The following TMEM74 variants were observed in gnomAD, a reference collection of about 807,000 sequenced individuals.
The protein encoded by TMEM74 is transmembrane protein 74.
In TMEM74, 13 loss-of-function variants were observed where a neutral mutation model predicts 18.1. The ratio of observed to expected loss-of-function variants is 0.72; its 90% CI spans 0.47 to 1.14. The LOEUF is 1.14. Among genes scored for constraint, TMEM74 ranks in the 50% most tolerant of loss-of-function variants. The pLI, the probability that TMEM74 is intolerant of heterozygous loss-of-function variation, is 0.00. For missense variants in TMEM74, 372 were observed against 375.9 expected, an observed-to-expected ratio of 0.99 and a Z score of 0.09; for synonymous variants, 159 against 146.6, an observed-to-expected ratio of 1.08 and a Z score of -0.61.
intron 1 of TMEM74, among the ~76,000 whole-genome samples, chr8:108,718,424 C>G (rs1474747571): frequency 1.3e-5 from 2 of 152,048 alleles, no homozygotes; most frequent in Non-Finnish European, 2.9e-5. Flanking sequence ...GTTTTATTAC[C>G]TACAGTGGTA....
intron 2 of TMEM74, among the ~76,000 whole-genome samples, chr8:108,647,892 G>T (rs1812735949): frequency 6.6e-6 from 1 of 152,080 alleles, no homozygotes; most frequent in South Asian, 2.1e-4. Context: ...GGGGTTTGGG[G>T]TTAGAAGAAT....
chr8:108,768,718 A>G (rs1345702958), intron 1 of TMEM74, among the ~76,000 whole-genome samples: 1 of 152,106 alleles, frequency 6.6e-6, no homozygotes, highest in African/African-American at 2.4e-5. Flanking sequence ...TTCTGCTACC[A>G]TCAGCTCCTA....
chr8:108,660,345 T>C (rs533165024), intron 1 of TMEM74, among the ~76,000 whole-genome samples: 30 of 152,342 alleles, frequency 2.0e-4, no homozygotes, highest in African/African-American at 7.0e-4. Flanking sequence ...ATTCCTTCCA[T>C]TGAATGGGCC....
intron 1 of TMEM74, among the ~76,000 whole-genome samples, chr8:108,662,061 T>A (rs969287964): frequency 6.6e-6 from 1 of 151,790 alleles, no homozygotes; most frequent in Non-Finnish European, 1.5e-5. Flanking sequence ...AGATGGAAAA[T>A]GAAAGCAGCT....
intron 1 of TMEM74, among the ~76,000 whole-genome samples, chr8:108,706,782 T>G (rs958303280): frequency 6.7e-6 from 1 of 149,842 alleles, no homozygotes; most frequent in Non-Finnish European, 1.5e-5. Flanking sequence ...AAGGGGTGTG[T>G]GTGTGTGTGT....
At chr8:108,656,689 ATC>A (rs1042248239) in intron 1 of TMEM74, among the ~76,000 whole-genome samples, 86 of 152,302 alleles carry the variant, frequency 5.6e-4, no homozygotes, top group African/African-American at 1.9e-3. Context: ...CTCTCTCACG[ATC>A]ATAAATTCAG....
chr8:108,686,157 T>C (rs1813165372), intron 1 of TMEM74, among the ~76,000 whole-genome samples: 1 of 152,130 alleles, frequency 6.6e-6, no homozygotes, highest in Admixed American at 6.5e-5. Flanking sequence ...TTAAGCAAGA[T>C]AAACAATGGG....
At position 108,779,863 on chromosome 8, in the gene TMEM74, G is replaced by A. The variant is rs538983147; in HGVS notation, c.*4318C>T. ...ATTAGTTTTATGTGTTTAAAATAAC[G>A]TCTTGCTTTTTACAGTGTCAATTCA... On this transcript the variant is annotated 3_prime_UTR_variant, in exon 2 of 2. Coordinates refer to ENST00000297459, the MANE Select transcript of TMEM74 (RefSeq NM_153015.3). 2.6e-4 allele frequency among the ~76,000 whole-genome samples: 39 copies of A among 152,202 alleles called. No homozygotes were observed. Among genetic ancestry groups the A allele is most frequent in the East Asian group, 7.7e-4 (4 of 5,178 alleles).
At chr8:108,758,689 T>C (rs1814005278) in intron 1 of TMEM74, among the ~76,000 whole-genome samples, 1 of 152,006 alleles carries the variant, frequency 6.6e-6, no homozygotes, top group Non-Finnish European at 1.5e-5. Flanking sequence ...CTTGGACCTA[T>C]CAGAGAAATT....
At chr8:108,624,862 T>A (rs1281302085) in intron 2 of TMEM74, among the ~76,000 whole-genome samples, 1 of 152,050 alleles carries the variant, frequency 6.6e-6, no homozygotes, top group Non-Finnish European at 1.5e-5. Context: ...TCTTATTTCA[T>A]TACCCCTCAA....
chr8:108,726,186 T>A (rs932419609), intron 1 of TMEM74, among the ~76,000 whole-genome samples: 1 of 152,158 alleles, frequency 6.6e-6, no homozygotes, highest in Admixed American at 6.5e-5. Context: ...TCATCATCTC[T>A]AAGGTCTCTA....
intron 1 of TMEM74, among the ~76,000 whole-genome samples, chr8:108,725,061 T>C (rs1813621734): frequency 6.6e-6 from 1 of 152,158 alleles, no homozygotes; most frequent in South Asian, 2.1e-4. Flanking sequence ...TTTCTTCTCT[T>C]AGTTCAAGAC....
intron 1 of TMEM74, among the ~76,000 whole-genome samples, chr8:108,765,558 G>T (rs1328951681): frequency 2.0e-5 from 3 of 151,618 alleles, no homozygotes; most frequent in Non-Finnish European, 2.9e-5. Flanking sequence ...CAGGCACGTG[G>T]TACCACACCC....
At chr8:108,751,739 C>T (rs994943587) in intron 1 of TMEM74, among the ~76,000 whole-genome samples, 2 of 151,912 alleles carry the variant, frequency 1.3e-5, no homozygotes, top group Non-Finnish European at 2.9e-5. Flanking sequence ...AAAATCCAAA[C>T]AAACCTACCT....
intron 2 of TMEM74, among the ~76,000 whole-genome samples, chr8:108,650,437 C>A (rs1261456363): frequency 1.3e-5 from 2 of 152,120 alleles, no homozygotes; most frequent in South Asian, 2.1e-4. Flanking sequence ...TCATTTCATG[C>A]CAAGCAAAAG....
chr8:108,761,442 A>G (rs938805324), intron 1 of TMEM74, among the ~76,000 whole-genome samples: 4 of 152,162 alleles, frequency 2.6e-5, no homozygotes, highest in African/African-American at 9.7e-5. Flanking sequence ...TGTTTATTTT[A>G]TCCTTACAAA....
At chr8:108,751,176 G>A (rs1281655247) in intron 1 of TMEM74, among the ~76,000 whole-genome samples, 1 of 152,040 alleles carries the variant, frequency 6.6e-6, no homozygotes, top group African/African-American at 2.4e-5. Context: ...TAACAGAATT[G>A]CTTCTGACAA....
intron 1 of TMEM74, among the ~76,000 whole-genome samples, chr8:108,755,203 G>A (rs1250866062): frequency 6.6e-6 from 1 of 152,162 alleles, no homozygotes; most frequent in Admixed American, 6.6e-5. Context: ...CATCCCAAGG[G>A]ATTGAATTCT....
chr8:108,742,789 A>G (rs755472505), intron 1 of TMEM74, among the ~76,000 whole-genome samples: 34 of 152,178 alleles, frequency 2.2e-4, no homozygotes, highest in Non-Finnish European at 4.4e-4. Context: ...TTTCACTATA[A>G]AACAGACACA....
Sources: allele counts gnomAD v4.1 joint callset (sites outside exome capture counted in the v4.1 genomes callset), GRCh38; gene constraint gnomAD v4.1.1; transcripts MANE v1.5; gene names NCBI Gene and HGNC (gene_info 2026-07-23, HGNC 2026-07-21).